NALCN: variants seen among roughly 807,000 people sequenced by gnomAD.
The protein encoded by NALCN is sodium leak channel, non-selective, also known as sodium leak channel NALCN.
A neutral mutation model predicts 225.3 loss-of-function variants in NALCN; 111 were observed. The observed-to-expected ratio is 0.49, with a 90% CI of 0.42 to 0.58. The LOEUF is 0.58. Among genes scored for constraint, NALCN ranks in the 20% least tolerant of loss-of-function variants. NALCN has a pLI of 0.00. For synonymous variants in NALCN, 764 were observed against 769.0 expected (o/e 0.99, Z 0.11); for missense variants, 1,378 against 2,202.4 (o/e 0.63, Z 7.49).
rs189440143 is a variant in NALCN at position 101,133,997 on chromosome 13, G to A, written c.2118+9083C>T. Among the ~76,000 whole-genome samples, 548 of 152,144 alleles carry A rather than the reference G, an allele frequency of 3.6e-3. 2 individuals are homozygous for A. The highest frequency in any genetic ancestry group is 0.012 in the African/African-American group (499 of 41,494). The stretch of plus-strand genomic sequence containing the variant: ...ATCCTGGCTAACATGGTGAAACCCC[G>A]TCTCTACTAAAAAATAGAAAAAATA... On this transcript the variant is annotated intron_variant, in intron 17 of 43. Transcript: ENST00000251127.
chr13:101,059,750 T>C, intron 42 of NALCN, 68 bp downstream of exon 42: 4 of 1,443,736 alleles, frequency 2.8e-6, no homozygotes, highest in Non-Finnish European at 3.8e-6. Flanking sequence ...GCACCCATTT[T>C]ATTTATTTTT....
chr13:101,210,823 C>T (rs1050137139), intron 13 of NALCN, among the ~76,000 whole-genome samples: 1 of 152,178 alleles, frequency 6.6e-6, no homozygotes, highest in African/African-American at 2.4e-5. Context: ...CTACTTTGCA[C>T]CTGTTACTTC....
intron 30 of NALCN, among the ~76,000 whole-genome samples, chr13:101,084,017 T>A (rs2033806397): frequency 6.6e-6 from 1 of 152,158 alleles, no homozygotes; most frequent in Non-Finnish European, 1.5e-5. Flanking sequence ...CAGAGAGAAT[T>A]CAGCAGCCTT....
intron 7 of NALCN, among the ~76,000 whole-genome samples, chr13:101,344,089 C>T (rs748710389): frequency 6.6e-6 from 1 of 151,766 alleles, no homozygotes; most frequent in African/African-American, 2.4e-5. Context: ...TCCGCACAGC[C>T]TATCAGCCTA....
intron 13 of NALCN, among the ~76,000 whole-genome samples, chr13:101,219,777 T>A (rs1260082710): frequency 6.6e-6 from 1 of 152,176 alleles, no homozygotes; most frequent in Non-Finnish European, 1.5e-5. Context: ...TGTGTTTGCT[T>A]GGCTAGAAGT....
At chr13:101,184,350 T>C (rs959807995) in intron 14 of NALCN, among the ~76,000 whole-genome samples, 10 of 152,194 alleles carry the variant, frequency 6.6e-5, no homozygotes, top group Admixed American at 4.6e-4. Context: ...TTCAAACTGG[T>C]ACCTGGACCA....
At chr13:101,358,716 C>T (rs2046135690) in intron 6 of NALCN, among the ~76,000 whole-genome samples, 1 of 152,082 alleles carries the variant, frequency 6.6e-6, no homozygotes, top group Non-Finnish European at 1.5e-5. Context: ...AAAGAATAGA[C>T]ATCATTCTAC....
intron 10 of NALCN, among the ~76,000 whole-genome samples, chr13:101,272,546 T>TG (rs1263182605): frequency 6.6e-5 from 10 of 152,210 alleles, no homozygotes; most frequent in African/African-American, 1.9e-4. Flanking sequence ...GAGGAAGCAC[T>TG]GACCTGATTT....
At chr13:101,311,199 C>T (rs1340805472) in intron 7 of NALCN, among the ~76,000 whole-genome samples, 1 of 151,072 alleles carries the variant, frequency 6.6e-6, no homozygotes, top group African/African-American at 2.4e-5. Flanking sequence ...GTGATTTTTG[C>T]ACATTGATTT....
At position 101,081,608 on chromosome 13, in the gene NALCN, G is replaced by A; in HGVS notation, c.3804C>T (p.Phe1268=). ...CGTATCGGTTTCTTCTGCTTTGCCA[G>A]AAGCCAGCAGGCGACATTGCTATGA... The part of the protein sequence containing the change: ...MKIIAMSPAG[F]WQSRRNRYDL... The change falls in exon 34 of 44, where the codon TTC becomes TTT. Residue 1268 remains phenylalanine, a synonymous_variant. Transcript: ENST00000251127. The A allele has an allele frequency of 6.2e-7, 1 of 1,614,150 alleles. No homozygotes were observed. Among genetic ancestry groups the A allele is most frequent in the Non-Finnish European group, 8.5e-7 (1 of 1,180,014 alleles).
Position 101,058,282 on chromosome 13 carries a change from T to G in NALCN, c.4906-226A>C, listed in dbSNP as rs146868648. ...AGACACCACTCTTCCTGGGACATCT[T>G]GTCCTGGGTAACCCCCACTGCTTCG... On this transcript the variant is annotated intron_variant, in intron 42 of 43. Transcript: ENST00000251127. The G allele has an allele frequency of 1.4e-3, 696 of 506,842 alleles. 7 individuals carry two copies. The highest frequency in any genetic ancestry group is 0.012 in the African/African-American group (605 of 51,512). The allele number at this position is 506,842 out of a possible 1,614,324, so 31.4% of individuals were successfully genotyped here.
intron 28 of NALCN, among the ~76,000 whole-genome samples, chr13:101,091,252 G>A (rs2034216821): frequency 1.3e-5 from 2 of 152,088 alleles, no homozygotes; most frequent in South Asian, 4.1e-4. Flanking sequence ...GCCCCTTGGA[G>A]CCTATTTAAA....
chr13:101,400,022 G>A (rs1235050571), intron 1 of NALCN, among the ~76,000 whole-genome samples: 1 of 152,118 alleles, frequency 6.6e-6, no homozygotes, highest in Non-Finnish European at 1.5e-5. Flanking sequence ...TCGACTGTGA[G>A]ACTTCCCATT....
At chr13:101,319,480 G>T (rs1487710479) in intron 7 of NALCN, among the ~76,000 whole-genome samples, 1 of 152,094 alleles carries the variant, frequency 6.6e-6, no homozygotes, top group Non-Finnish European at 1.5e-5. Context: ...AATACCTTCT[G>T]AATCAAAGCG....
intron 7 of NALCN, among the ~76,000 whole-genome samples, chr13:101,319,165 C>T (rs73565164): frequency 0.032 from 4,822 of 152,208 alleles, 260 homozygotes; most frequent in African/African-American, 0.11. Flanking sequence ...TGGAGGAAGT[C>T]CCCCAAGGTA....
At chr13:101,365,005 T>C (rs925494764) in intron 6 of NALCN, among the ~76,000 whole-genome samples, 1 of 152,198 alleles carries the variant, frequency 6.6e-6, no homozygotes, top group Non-Finnish European at 1.5e-5. Flanking sequence ...TAAAAATTAA[T>C]GCTCTAAATT....
chr13:101,146,800 G>A (rs913109593), intron 15 of NALCN, among the ~76,000 whole-genome samples: 20 of 152,126 alleles, frequency 1.3e-4, no homozygotes, highest in East Asian at 1.9e-4. Context: ...CACTGCACTC[G>A]CCCTCACGGA....
Position 101,395,363 on chromosome 13 carries a change from C to G in NALCN, c.111G>C (p.Trp37Cys). The G allele has an allele frequency of 1.2e-6, 2 of 1,613,028 alleles. No homozygotes were observed. Among genetic ancestry groups the G allele is most frequent in the Non-Finnish European group, 1.7e-6 (2 of 1,179,464 alleles). ...CACAGATGCGCAGCAAAGAGTGAAC[C>G]CACTGCAATGATGGTCCAGAGTTAC... is the stretch of plus-strand genomic sequence containing the variant. ...NADILWINKPWVHSLLRICAI... is the reference protein window; with the variant it reads ...NADILWINKPCVHSLLRICAI... Residue 37 changes from tryptophan to cysteine, a missense_variant and splice_region_variant, in exon 3 of 44, where the codon TGG becomes TGC. Trp to Cys is a radical substitution (Grantham distance 215, BLOSUM62 -2). Around this residue, in one of 19 missense-constraint regions of NALCN, gnomAD observed 146 missense variants for 205.9 expected, o/e 0.71. Transcript: ENST00000251127.
intron 34 of NALCN, among the ~76,000 whole-genome samples, chr13:101,078,620 T>C (rs555925599): frequency 2.0e-5 from 3 of 152,250 alleles, no homozygotes; most frequent in Non-Finnish European, 2.9e-5. Context: ...ACCCCCATTG[T>C]ATCTAGGAAG....
Sources: gnomAD v4.1 joint callset for allele counts (sites outside exome capture counted in the v4.1 genomes callset) on GRCh38, gnomAD v4.1.1 for gene constraint, gnomAD v4.1.1 regional missense constraint, MANE v1.5 for transcripts, NCBI Gene and HGNC (gene_info 2026-07-23, HGNC 2026-07-21) for gene names.